The following CDHR3 variants were observed in gnomAD, a reference collection of about 807,000 sequenced individuals.
The protein encoded by CDHR3 is cadherin related family member 3, also known as cadherin-related family member 3.
A neutral mutation model predicts 86.6 loss-of-function variants in CDHR3; 79 were observed. That is an observed-to-expected ratio of 0.91 (90% confidence interval 0.76 to 1.10). The LOEUF (loss-of-function observed/expected upper bound fraction) is 1.10. CDHR3 is among the 50% of genes least tolerant of loss of function. The pLI is 0.00. For synonymous variants in CDHR3, 421 were observed against 402.4 expected (o/e 1.05, Z -0.55); for missense variants, 1,081 against 1,077.6 (o/e 1.00, Z -0.04).
intron 8 of CDHR3, among the ~76,000 whole-genome samples, chr7:106,012,640 C>G (rs1467431952): frequency 2.0e-5 from 3 of 152,122 alleles, no homozygotes; most frequent in Admixed American, 1.3e-4. Flanking sequence ...GTGACGTGAT[C>G]TGACAACATG....
At position 106,036,095 on chromosome 7, in the gene CDHR3, C is replaced by T. The variant is rs978989106; in HGVS notation, c.*3398C>T. ...TAGACCACGTAACAATTATAATTGT[C>T]GAAGACTTTGAAACTGCATAGTAGA... On this transcript the variant is annotated 3_prime_UTR_variant, in exon 19 of 19. Coordinates refer to ENST00000317716, the MANE Select transcript of CDHR3 (RefSeq NM_152750.5). The T allele has an allele frequency of 2.6e-5, 4 of 152,050 alleles. No homozygotes were observed. Among genetic ancestry groups the T allele is most frequent in the Non-Finnish European group, 4.4e-5 (3 of 67,998 alleles). The allele number at this position is 152,050 out of a possible 1,614,324, so 9.4% of individuals were successfully genotyped here.
At chr7:106,014,227 T>G (rs1207491385) in intron 9 of CDHR3, among the ~76,000 whole-genome samples, 1 of 152,208 alleles carries the variant, frequency 6.6e-6, no homozygotes, top group African/African-American at 2.4e-5. Flanking sequence ...TGAGCTACTG[T>G]GCCTAGCCTG....
At chr7:105,980,817 AG>A in intron 2 of CDHR3, 150 bp from the exon 3 acceptor site, 1 of 697,484 alleles carries the variant, frequency 1.4e-6, no homozygotes, top group Non-Finnish European at 2.4e-6. Context: ...GGAAGGACTA[AG>A]GCAAAACAAC....
intron 11 of CDHR3, among the ~76,000 whole-genome samples, chr7:106,017,001 A>G (rs181501509): frequency 2.0e-5 from 3 of 152,366 alleles, no homozygotes; most frequent in Admixed American, 1.3e-4. Flanking sequence ...AAAACAAGCC[A>G]GAATGCTAGC....
At chr7:106,021,573 C>G (rs1166910063) in intron 13 of CDHR3, among the ~76,000 whole-genome samples, 1 of 152,210 alleles carries the variant, frequency 6.6e-6, no homozygotes, top group African/African-American at 2.4e-5. Context: ...CCTCTCTGCC[C>G]CAGGCTCCCT....
At chr7:106,004,841 G>A (rs942104516) in intron 8 of CDHR3, 154 bp downstream of exon 8, 9 of 685,184 alleles carry the variant, frequency 1.3e-5, no homozygotes, top group African/African-American at 3.7e-5. Flanking sequence ...TTGTCCACAG[G>A]TTTCCTTGTT....
At chr7:105,976,347 G>A (rs1423630762) in intron 2 of CDHR3, among the ~76,000 whole-genome samples, 1 of 152,162 alleles carries the variant, frequency 6.6e-6, no homozygotes, top group Non-Finnish European at 1.5e-5. Context: ...GACGCACAGA[G>A]AGATTAGGTA....
chr7:105,999,023 T>C (rs766047982), intron 6 of CDHR3, among the ~76,000 whole-genome samples: 3 of 152,194 alleles, frequency 2.0e-5, no homozygotes, highest in Non-Finnish European at 4.4e-5. Flanking sequence ...AAGCCATCCA[T>C]GGCTTCCCAG....
Position 105,981,078 on chromosome 7 carries a change from T to G in CDHR3, c.360T>G (p.Thr120=), listed in dbSNP as rs748485390. The change falls in exon 3 of 19, where the codon ACT becomes ACG. Residue 120 remains threonine (T), a synonymous_variant. Coordinates refer to ENST00000317716, the MANE Select transcript of CDHR3 (RefSeq NM_152750.5). ...GTGTCACAGACCTGCAAGTCCTGACTGTCCAGGTAACAGATGTGAACGAGC... is the reference window on the plus strand; with the variant it reads ...GTGTCACAGACCTGCAAGTCCTGACGGTCCAGGTAACAGATGTGAACGAGC... ...EVGVTDLQVL[T]VQVTDVNEPP... is the part of the protein sequence containing the mutation. 2 of 1,613,738 alleles carry G rather than the reference T, an allele frequency of 1.2e-6. No individual in the cohort carries two copies. The highest frequency in any genetic ancestry group is 1.7e-6 in the Non-Finnish European group (2 of 1,179,794).
intron 11 of CDHR3, 70 bp downstream of exon 11, chr7:106,016,095 T>TTTTCCACTCCAC: frequency 9.6e-7 from 1 of 1,036,714 alleles, no homozygotes; most frequent in Non-Finnish European, 1.5e-6. Flanking sequence ...TTCTGTGGAG[T>TTTTCCACTCCAC]GGAAAACTCC....
In CDHR3 at chr7:105,984,202, C is replaced by G; in HGVS notation, c.426C>G (p.Leu142=). 2 of 1,606,040 alleles carry G rather than the reference C, an allele frequency of 1.2e-6. No individual in the cohort carries two copies. The highest frequency in any genetic ancestry group is 1.7e-6 in the Non-Finnish European group (2 of 1,174,658). Residue 142 remains leucine (L), a synonymous_variant, in exon 4 of 19, where the codon CTC becomes CTG. Transcript: ENST00000317716. The part of the protein sequence containing the change: ...FQGNLAEGLH[L]YIVERANPGF... ...TGGACACTGGTCTAGGTCTACACCT[C>G]TACATAGTAGAAAGAGCAAACCCTG...
intron 7 of CDHR3, 60 bp from the exon 8 acceptor site, chr7:106,004,438 G>A: frequency 4.3e-6 from 6 of 1,380,590 alleles, no homozygotes; most frequent in Non-Finnish European, 6.0e-6. Context: ...TTTTCTCCAA[G>A]TTTCTGTATT....
At chr7:106,027,396 CAA>C (rs11347271) in intron 16 of CDHR3, among the ~76,000 whole-genome samples, 126 of 140,796 alleles carry the variant, frequency 8.9e-4, no homozygotes, top group South Asian at 1.6e-3. Flanking sequence ...GACTCTGTCT[CAA>C]AAAAAAAAAA....
chr7:106,013,672 C>A (rs985473196), intron 9 of CDHR3, among the ~76,000 whole-genome samples: 1 of 152,128 alleles, frequency 6.6e-6, no homozygotes, highest in South Asian at 2.1e-4. Flanking sequence ...GCCAGCAACC[C>A]GCTACCCTTC....
intron 17 of CDHR3, 94 bp downstream of exon 17, chr7:106,028,676 A>G: frequency 7.4e-7 from 1 of 1,345,672 alleles, no homozygotes; most frequent in Non-Finnish European, 1.0e-6. Flanking sequence ...CCTTGTGGGC[A>G]TGTTTATCAT....
At chr7:105,994,486 G>A (rs542794795) in intron 4 of CDHR3, among the ~76,000 whole-genome samples, 33 of 152,108 alleles carry the variant, frequency 2.2e-4, no homozygotes, top group Non-Finnish European at 4.0e-4. Context: ...GCCTTGACAG[G>A]GGCCTTTTAT....
intron 8 of CDHR3, 102 bp from the exon 9 acceptor site, chr7:106,012,758 G>C: frequency 8.0e-7 from 1 of 1,243,692 alleles, no homozygotes; most frequent in Non-Finnish European, 1.1e-6. Flanking sequence ...GACTTACTTT[G>C]AATTGCAGTT....
Position 106,030,941 on chromosome 7 carries a change from C to T in CDHR3, c.2353+101C>T, listed in dbSNP as rs183280522. The T allele has an allele frequency of 4.5e-5, 54 of 1,195,354 alleles. No individual in the cohort carries two copies. In the African/African-American group the frequency reaches 7.3e-4, roughly 16 times the overall value. The allele number at this position is 1,195,354 out of a possible 1,614,324, so 74.0% of individuals were successfully genotyped here. On this transcript the variant is annotated intron_variant, in intron 18 of 18. Coordinates refer to ENST00000317716, the MANE Select transcript of CDHR3 (RefSeq NM_152750.5). This position sits in a 1 kb window ranked among gnomAD's most constrained non-coding sequence, Gnocchi z 4.8. Reference sequence around the variant, plus strand: ...ATTTCCTGCTTTTAGCTCATTTTGTCAATCCGTTTGGCTATGTTGCCTATA... The same window carrying T: ...ATTTCCTGCTTTTAGCTCATTTTGTTAATCCGTTTGGCTATGTTGCCTATA...
Position 105,981,056 on chromosome 7 carries a change from T to C in CDHR3, c.338T>C (p.Val113Ala). The C allele has an allele frequency of 6.2e-7, 1 of 1,613,344 alleles. No homozygotes were observed. The highest frequency in any genetic ancestry group is 8.5e-7 in the Non-Finnish European group (1 of 1,179,660). ...ATTTATGTGAAGGATGAGGTTGGTG[T>C]CACAGACCTGCAAGTCCTGACTGTC... ...LQIYVKDEVG[V>A]TDLQVLTVQV... is the part of the protein sequence containing the mutation. Residue 113 changes from valine (V) to alanine (A), a missense_variant, in exon 3 of 19, where the codon GTC (valine) becomes GCC (alanine). Coordinates refer to ENST00000317716, the MANE Select transcript of CDHR3 (RefSeq NM_152750.5).
Sources: gnomAD v4.1 joint callset for allele counts (sites outside exome capture counted in the v4.1 genomes callset) on GRCh38, gnomAD v4.1.1 for gene constraint, Gnocchi (gnomAD v3.1) non-coding constraint, MANE v1.5 for transcripts, NCBI Gene and HGNC (gene_info 2026-07-23, HGNC 2026-07-21) for gene names.